NF1: variants seen among roughly 807,000 people sequenced by gnomAD.
NF1 encodes neurofibromin 1, also known as neurofibromin.
NF1 carries 122 observed loss-of-function variants against 325.7 expected under a neutral mutation model. The observed-to-expected ratio is 0.37, with a 90% CI of 0.32 to 0.44. The LOEUF (loss-of-function observed/expected upper bound fraction) is 0.44. NF1 is among the 20% of genes least tolerant of loss of function. The probability of loss-of-function intolerance (pLI) is 1.00; values close to 1 mark genes in which losing one functional copy is unlikely to be tolerated. For synonymous variants in NF1, 1,091 were observed against 1,186.0 expected (o/e 0.92, Z 1.65); for missense variants, 2,140 against 3,415.4 (o/e 0.63, Z 9.31).
chr17:31,172,030 G>A (rs1158383874), intron 5 of NF1, among the ~76,000 whole-genome samples: 1 of 152,126 alleles, frequency 6.6e-6, no homozygotes, highest in Non-Finnish European at 1.5e-5. Flanking sequence ...AAGATGTGAA[G>A]GTACAAGAAT....
chr17:31,259,164 T>A, intron 33 of NF1, 35 bp downstream of exon 33: 3 of 1,414,952 alleles, frequency 2.1e-6, no homozygotes, highest in Non-Finnish European at 3.0e-6. Flanking sequence ...TTGCTCTGTT[T>A]GAATCAAATA....
chr17:31,145,593 A>G (rs1318845686), intron 1 of NF1, among the ~76,000 whole-genome samples: 1 of 152,156 alleles, frequency 6.6e-6, no homozygotes, highest in Non-Finnish European at 1.5e-5. Flanking sequence ...TTGGTTACTT[A>G]GAACTCCTTA....
At chr17:31,373,876 C>T (rs2070691914) in intron 57 of NF1, 137 bp from the exon 58 acceptor site, 1 of 1,076,592 alleles carries the variant, frequency 9.3e-7, no homozygotes, top group East Asian at 2.6e-5. Flanking sequence ...AAGTACACTC[C>T]ACAATATTTG....
At chr17:31,219,247 C>A (rs2143988721) in intron 14 of NF1, 129 bp downstream of exon 14, 1 of 939,112 alleles carries the variant, frequency 1.1e-6, no homozygotes, top group Non-Finnish European at 1.6e-6. Flanking sequence ...ATGTTTATGT[C>A]TATACATTGT....
At chr17:31,206,059 G>A (rs1226039597) in intron 11 of NF1, among the ~76,000 whole-genome samples, 181 bp from the exon 12 acceptor site, 2 of 152,098 alleles carry the variant, frequency 1.3e-5, no homozygotes, top group Admixed American at 6.6e-5. Context: ...AATATAATAT[G>A]TATGAGTTAG....
At chr17:31,345,046 CT>C (rs2069934976) in intron 48 of NF1, among the ~76,000 whole-genome samples, 1 of 152,174 alleles carries the variant, frequency 6.6e-6, no homozygotes, top group Non-Finnish European at 1.5e-5. Flanking sequence ...TCGCTTGAAC[CT>C]GGGAGGCAGA....
intron 1 of NF1, among the ~76,000 whole-genome samples, chr17:31,120,164 A>T (rs1246030204): frequency 6.6e-6 from 1 of 152,170 alleles, no homozygotes; most frequent in East Asian, 1.9e-4. Flanking sequence ...TGGTAGCTTG[A>T]TGGGGATAGT....
At chr17:31,283,931 TATA>T (rs148137442) in intron 36 of NF1, among the ~76,000 whole-genome samples, 1,524 of 152,390 alleles carry the variant, frequency 0.01, 27 homozygotes, top group African/African-American at 0.034. Flanking sequence ...ACTTGGTTTA[TATA>T]AGTAATCCAC....
At chr17:31,303,859 A>C (rs570269157) in intron 36 of NF1, 84 of 154,524 alleles carry the variant, frequency 5.4e-4, no homozygotes, top group Non-Finnish European at 9.8e-4. Context: ...AACTTGAAGC[A>C]TATACTTAGT....
chr17:31,344,061 A>G (rs1332501025), intron 48 of NF1, among the ~76,000 whole-genome samples: 3 of 152,214 alleles, frequency 2.0e-5, no homozygotes, highest in Non-Finnish European at 2.9e-5. Context: ...CTGATTTTCA[A>G]AATGAAACAG....
intron 27 of NF1, 30 bp from the exon 28 acceptor site, chr17:31,235,581 T>C (rs2151437614): frequency 1.2e-6 from 2 of 1,613,120 alleles, no homozygotes; most frequent in East Asian, 2.2e-5. Context: ...TGGGATTGTT[T>C]GCACTAACCT....
intron 25 of NF1, 31 bp from the exon 26 acceptor site, chr17:31,232,669 C>A (rs1410523917): frequency 6.2e-7 from 1 of 1,603,118 alleles, no homozygotes; most frequent in Non-Finnish European, 8.5e-7. Context: ...ACGGCCTTCA[C>A]TATGTAAAGG....
intron 31 of NF1, among the ~76,000 whole-genome samples, chr17:31,255,514 T>C (rs1417274974): frequency 6.6e-6 from 1 of 152,214 alleles, no homozygotes; most frequent in Non-Finnish European, 1.5e-5. Context: ...CAAAATTATA[T>C]TGATTCTGCC....
intron 3 of NF1, among the ~76,000 whole-genome samples, chr17:31,160,448 A>G (rs1312504341): frequency 1.3e-5 from 2 of 152,184 alleles, no homozygotes; most frequent in Admixed American, 6.5e-5. Flanking sequence ...TTGTGGAGAC[A>G]GTGTTTATAA....
At chr17:31,247,193 C>CAAAAAAAAAAAAAA (rs10564306) in intron 29 of NF1, among the ~76,000 whole-genome samples, 1 of 94,442 alleles carries the variant, frequency 1.1e-5, no homozygotes. Flanking sequence ...GACTCCATCT[C>CAAAAAAAAAAAAAA]AAAAAAAAAA....
intron 1 of NF1, among the ~76,000 whole-genome samples, chr17:31,147,790 C>T (rs1271102034): frequency 6.6e-6 from 1 of 152,194 alleles, no homozygotes; most frequent in Non-Finnish European, 1.5e-5. Flanking sequence ...AGCTGCAAGG[C>T]TTTCAAATTC....
At chr17:31,111,786 T>C (rs1320241890) in intron 1 of NF1, among the ~76,000 whole-genome samples, 4 of 152,098 alleles carry the variant, frequency 2.6e-5, no homozygotes, top group African/African-American at 9.7e-5. Context: ...ATATCTCAAA[T>C]GGAAGTACAA....
chr17:31,311,456 A>G (rs540222349), intron 36 of NF1, among the ~76,000 whole-genome samples: 125 of 152,344 alleles, frequency 8.2e-4, no homozygotes, highest in African/African-American at 2.7e-3. Flanking sequence ...TGCAAATATA[A>G]TAGATTAAAA....
rs1598173901 is a variant in NF1, at chr17:31,095,368, A to T, written c.59A>T (p.Gln20Leu). The change falls in exon 1 of 58, where the codon CAG becomes CTG. Residue 20 changes from glutamine (Q) to leucine (L), a missense_variant and splice_region_variant. Transcript: ENST00000358273. ...VQAVVSRFDE[Q>L]LPIKTGQQNT... is the part of the protein sequence containing the mutation. ...GCCGTGGTCAGCCGCTTCGACGAGC[A>T]GGTAACCGGCCCGTGGCGGGCGGGA... The T allele has an allele frequency of 6.5e-7, 1 of 1,539,882 alleles. No homozygotes were observed. The highest frequency in any genetic ancestry group is 8.7e-7 in the Non-Finnish European group (1 of 1,146,420).
Sources: gnomAD v4.1 joint callset for allele counts (sites outside exome capture counted in the v4.1 genomes callset) on GRCh38, gnomAD v4.1.1 for gene constraint, MANE v1.5 for transcripts, NCBI Gene and HGNC (gene_info 2026-07-23, HGNC 2026-07-21) for gene names.